PEX3: variants seen among roughly 807,000 people sequenced by gnomAD.
PEX3 encodes peroxisomal biogenesis factor 3.
In PEX3, 30 loss-of-function variants were observed where a neutral mutation model predicts 55.8. The observed-to-expected ratio is 0.54, with a 90% CI of 0.40 to 0.73. The LOEUF (loss-of-function observed/expected upper bound fraction) is 0.73, where lower values mean the gene tolerates loss of function less well. Among genes scored for constraint, PEX3 ranks in the 30% least tolerant of loss-of-function variants. PEX3 has a pLI of 0.00. For synonymous variants in PEX3, 135 were observed against 148.4 expected, an observed-to-expected ratio of 0.91 and a Z score of 0.66; for missense variants, 351 against 432.8, an observed-to-expected ratio of 0.81 and a Z score of 1.68.
intron 4 of PEX3, among the ~76,000 whole-genome samples, chr6:143,470,383 G>A (rs1017058728): frequency 2.0e-5 from 3 of 152,066 alleles, no homozygotes; most frequent in Admixed American, 6.6e-5. Flanking sequence ...TCTCTCAAGC[G>A]TCAGTAACAA....
Position 143,471,538 on chromosome 6 carries a change from T to C in PEX3, c.524-19T>C, listed in dbSNP as rs22908. ...TTTTAAACTAAGCAAGGCTTTTAGG[T>C]TTGTTTTTTCTTTAATAGGCCTGAC... is the stretch of plus-strand genomic sequence containing the variant. On this transcript the variant is annotated intron_variant, in intron 6 of 11. Transcript: ENST00000367591. This position sits in a 1 kb window ranked among gnomAD's most constrained non-coding sequence, Gnocchi z 5.4. 627,558 of 1,598,930 alleles carry C rather than the reference T, an allele frequency of 0.39. 125,878 individuals carry two copies. The highest frequency in any genetic ancestry group is 0.46 in the Admixed American group (27,409 of 59,944).
chr6:143,457,045 C>T (rs1677297763), intron 1 of PEX3, among the ~76,000 whole-genome samples: 1 of 152,108 alleles, frequency 6.6e-6, no homozygotes, highest in Admixed American at 6.5e-5. Flanking sequence ...CCCAGAGAAA[C>T]ACACCAATCA....
chr6:143,459,235 T>G lies in PEX3; in HGVS notation c.205+19T>G, dbSNP rs1260599254. The G allele has an allele frequency of 6.2e-7, 1 of 1,603,530 alleles. No individual in the cohort carries two copies. The highest frequency in any genetic ancestry group is 8.5e-7 in the Non-Finnish European group (1 of 1,170,884). ...ATGACAGGTAAGACAGAGAAATATT[T>G]ATACATGTGTAAAGTTGTTTGACGG... On this transcript the variant is annotated intron_variant, in intron 2 of 11. Coordinates refer to ENST00000367591, the MANE Select transcript of PEX3 (RefSeq NM_003630.3). The surrounding 1 kb of genome is among the most constrained non-coding windows in gnomAD (Gnocchi z 4.2).
chr6:143,461,139 A>G (rs954465225), intron 2 of PEX3, among the ~76,000 whole-genome samples: 1 of 152,246 alleles, frequency 6.6e-6, no homozygotes, highest in Non-Finnish European at 1.5e-5. Flanking sequence ...GAAGAGTCTC[A>G]GACTACAGCA....
At chr6:143,473,963 C>G (rs1011939326) in intron 8 of PEX3, among the ~76,000 whole-genome samples, 1 of 124,494 alleles carries the variant, frequency 8.0e-6, no homozygotes, top group Non-Finnish European at 1.7e-5. Context: ...CCTACCCCTA[C>G]AAAAAAAAAA....
chr6:143,457,841 A>G (rs1779867502), intron 1 of PEX3, among the ~76,000 whole-genome samples: 2 of 152,190 alleles, frequency 1.3e-5, no homozygotes, highest in South Asian at 4.1e-4. Flanking sequence ...TAAAAGATTT[A>G]CCTGAAGAAA....
rs1779927520 is a variant in PEX3, at chr6:143,462,055, CT to C, written c.206-854del. Among the ~76,000 whole-genome samples, 9 of 152,244 alleles carry C rather than the reference CT, an allele frequency of 5.9e-5. No homozygotes were observed. In the South Asian group the frequency reaches 1.7e-3, roughly 28 times the overall value. ...TTTTTATATGTGTATTCCTCCATTT[CT>C]TTTTTTCTCTAATCCCATGACAGAT... On this transcript the variant is annotated intron_variant, in intron 2 of 11. Coordinates refer to ENST00000367591, the MANE Select transcript of PEX3 (RefSeq NM_003630.3). The surrounding 1 kb of genome is among the most constrained non-coding windows in gnomAD (Gnocchi z 4.1).
Position 143,485,491 on chromosome 6 carries a change from A to C in PEX3, c.1038+243A>C, listed in dbSNP as rs1403476091. ...ACACTGTGGGACTACATTTTAGTCC[A>C]GGTGTATTATAGTGGTCAGTTGAAT... On this transcript the variant is annotated intron_variant, in intron 11 of 11. Transcript: ENST00000367591. The surrounding 1 kb of genome is among the most constrained non-coding windows in gnomAD (Gnocchi z 5.6). Among the ~76,000 whole-genome samples the C allele has an allele frequency of 6.6e-6, 1 of 152,062 alleles. No homozygotes were observed. Among genetic ancestry groups the C allele is most frequent in the Non-Finnish European group, 1.5e-5 (1 of 67,988 alleles).
intron 9 of PEX3, among the ~76,000 whole-genome samples, chr6:143,477,555 G>A (rs1256885141): frequency 3.3e-5 from 5 of 152,062 alleles, no homozygotes; most frequent in African/African-American, 1.2e-4. Context: ...CATGTAAGTG[G>A]GTAGATGGGT....
intron 9 of PEX3, among the ~76,000 whole-genome samples, chr6:143,477,856 C>T (rs955728857): frequency 6.6e-6 from 1 of 151,992 alleles, no homozygotes; most frequent in African/African-American, 2.4e-5. Flanking sequence ...TTCTTGGAAC[C>T]TTACCATATT....
rs1345276957 is a variant in PEX3 at position 143,462,035 on chromosome 6, A to G, written c.206-881A>G. 6.6e-6 allele frequency among the ~76,000 whole-genome samples: 1 copy of G among 152,174 alleles called. No individual in the cohort carries two copies. The highest frequency in any genetic ancestry group is 2.4e-5 in the African/African-American group (1 of 41,456). Reference sequence around the variant, plus strand: ...GTTTAGAGACTCATTTTACATTTTTATATGTGTATTCCTCCATTTCTTTTT... The same window carrying G: ...GTTTAGAGACTCATTTTACATTTTTGTATGTGTATTCCTCCATTTCTTTTT... On this transcript the variant is annotated intron_variant, in intron 2 of 11. Transcript: ENST00000367591. This position sits in a 1 kb window ranked among gnomAD's most constrained non-coding sequence, Gnocchi z 4.1.
rs747026851 is a variant in PEX3, at chr6:143,459,052, C to T, written c.74-33C>T. 2 of 1,460,744 alleles carry T rather than the reference C, an allele frequency of 1.4e-6. No homozygotes were observed. The allele number at this position is 1,460,744 out of a possible 1,614,324, so 90.5% of individuals were successfully genotyped here. ...AATACTGTGTAGAATTTTTGGTACT[C>T]TAATGAATATAGTACTTTTTTAATG... On this transcript the variant is annotated intron_variant, in intron 1 of 11. Transcript: ENST00000367591. The surrounding 1 kb of genome is among the most constrained non-coding windows in gnomAD (Gnocchi z 4.2).
At position 143,487,368 on chromosome 6, in the gene PEX3, C is replaced by T. The variant is rs984036354; in HGVS notation, c.1039-1775C>T. On this transcript the variant is annotated intron_variant, in intron 11 of 11. Coordinates refer to ENST00000367591, the MANE Select transcript of PEX3 (RefSeq NM_003630.3). This position sits in a 1 kb window ranked among gnomAD's most constrained non-coding sequence, Gnocchi z 5.3. ...TAAGTTTTATTGGGTGACAGCATGC[C>T]CATTGGTTTATGTGTTGTTTATGGC... is the stretch of plus-strand genomic sequence containing the variant. 6.6e-6 allele frequency among the ~76,000 whole-genome samples: 1 copy of T among 152,036 alleles called. No individual in the cohort carries two copies. Among genetic ancestry groups the T allele is most frequent in the African/African-American group, 2.4e-5 (1 of 41,398 alleles).
At position 143,462,042 on chromosome 6, in the gene PEX3, T is replaced by C. The variant is rs1779927344; in HGVS notation, c.206-874T>C. Among the ~76,000 whole-genome samples, 1 of 152,260 alleles carries C rather than the reference T, an allele frequency of 6.6e-6. No individual in the cohort carries two copies. Among genetic ancestry groups the C allele is most frequent in the South Asian group, 2.1e-4 (1 of 4,830 alleles). On this transcript the variant is annotated intron_variant, in intron 2 of 11. Transcript: ENST00000367591. The surrounding 1 kb of genome is among the most constrained non-coding windows in gnomAD (Gnocchi z 4.1). ...GACTCATTTTACATTTTTATATGTG[T>C]ATTCCTCCATTTCTTTTTTTCTCTA...
At chr6:143,477,183 C>T (rs12199192) in intron 9 of PEX3, among the ~76,000 whole-genome samples, 2 of 151,944 alleles carry the variant, frequency 1.3e-5, no homozygotes, top group Non-Finnish European at 2.9e-5. Context: ...AGACCAAGCA[C>T]AGACAACTGT....
intron 10 of PEX3, among the ~76,000 whole-genome samples, chr6:143,480,620 C>G (rs1057074723): frequency 3.3e-5 from 5 of 152,206 alleles, no homozygotes; most frequent in African/African-American, 1.2e-4. Context: ...TCTGTTTCAT[C>G]TCAATAACCA....
chr6:143,460,105 A>T (rs924654283), intron 2 of PEX3, among the ~76,000 whole-genome samples: 1 of 152,204 alleles, frequency 6.6e-6, no homozygotes, highest in Non-Finnish European at 1.5e-5. Context: ...AGAACAATTA[A>T]TTTAGAAACA....
At chr6:143,468,806 C>CAA (rs761458237) in intron 4 of PEX3, among the ~76,000 whole-genome samples, 1 of 14,070 alleles carries the variant, frequency 7.1e-5, no homozygotes, top group East Asian at 2.5e-3. Flanking sequence ...TGCTATCCCC[C>CAA]CCCCCCCCAC....
At chr6:143,474,890 G>A in intron 9 of PEX3, 34 bp downstream of exon 9, 1 of 1,102,084 alleles carries the variant, frequency 9.1e-7, no homozygotes. Flanking sequence ...AAAAATATGT[G>A]TGTATGTTGA....
Sources: allele counts gnomAD v4.1 joint callset (sites outside exome capture counted in the v4.1 genomes callset), GRCh38; gene constraint gnomAD v4.1.1; non-coding constraint Gnocchi (gnomAD v3.1); transcripts MANE v1.5; gene names NCBI Gene and HGNC (gene_info 2026-07-23, HGNC 2026-07-21).